Variants in IL16 observed in about 807,000 individuals in gnomAD.
IL16 encodes the protein interleukin 16, also known as pro-interleukin-16.
Under a neutral mutation model 110.1 loss-of-function variants are expected in IL16, and 67 were observed. The observed-to-expected ratio is 0.61, with a 90% CI of 0.50 to 0.75. The LOEUF (loss-of-function observed/expected upper bound fraction) is 0.75. Among genes scored for constraint, IL16 ranks in the 30% least tolerant of loss-of-function variants. IL16 has a pLI of 0.00. For synonymous variants in IL16, 689 were observed against 662.9 expected, an observed-to-expected ratio of 1.04 and a Z score of -0.61; for missense variants, 1,545 against 1,655.0, an observed-to-expected ratio of 0.93 and a Z score of 1.15.
At chr15:81,273,257 C>T (rs1307507649) in intron 6 of IL16, 53 bp downstream of exon 6, 27 of 1,322,864 alleles carry the variant, frequency 2.0e-5, no homozygotes, top group Non-Finnish European at 2.7e-5. Flanking sequence ...AAGCAGAATC[C>T]AGAATTGCTG....
Position 81,303,693 on chromosome 15 carries a change from G to T in IL16, c.3420+43G>T. On this transcript the variant is annotated intron_variant, in intron 16 of 18. Coordinates refer to ENST00000683961, the MANE Select transcript of IL16 (RefSeq NM_172217.5). This position sits in a 1 kb window ranked among gnomAD's most constrained non-coding sequence, Gnocchi z 4.1. The stretch of plus-strand genomic sequence containing the variant: ...GGGGCATGTCACAGCCAGAGGCAAT[G>T]GTTCTGGGGGAGGGGGACACACTTG... The T allele has an allele frequency of 7.6e-7, 1 of 1,310,178 alleles. No individual in the cohort carries two copies. Among genetic ancestry groups the T allele is most frequent in the Non-Finnish European group, 1.1e-6 (1 of 903,744 alleles). The allele number at this position is 1,310,178 out of a possible 1,614,324, so 81.2% of individuals were successfully genotyped here. A position where few individuals can be genotyped will look rare whatever the true frequency, so the allele number is the denominator to read the frequency against.
rs1308801319 is a variant in IL16 at position 81,225,428 on chromosome 15, G to T, written c.29G>T (p.Ser10Ile). The T allele has an allele frequency of 6.2e-7, 1 of 1,614,054 alleles. No homozygotes were observed. The highest frequency in any genetic ancestry group is 1.3e-5 in the African/African-American group (1 of 74,942). The change falls in exon 2 of 19, where the codon AGC (serine) becomes ATC (isoleucine). Residue 10 changes from serine to isoleucine, a missense_variant. By Grantham distance (142) the Ser-to-Ile change is moderately radical. Coordinates refer to ENST00000683961, the MANE Select transcript of IL16 (RefSeq NM_172217.5). MESHSRAGK[S>I]RKSAKFRSIS... ...GAGTCGCACAGCCGCGCTGGAAAGA[G>T]CAGAAAATCTGCAAAATTTCGGTCC...
chr15:81,234,104 AG>A (rs1897105097), intron 2 of IL16, among the ~76,000 whole-genome samples: 1 of 152,082 alleles, frequency 6.6e-6, no homozygotes, highest in African/African-American at 2.4e-5. Context: ...TCTTTTGGTG[AG>A]TGGTTGCGTG....
At position 81,299,593 on chromosome 15, in the gene IL16, G is replaced by A. The variant is rs759404201; in HGVS notation, c.2267G>A (p.Gly756Glu). Reference sequence around the variant, plus strand: ...GAAGGGACACAGGGCCACCCAGATGGGACCCCACCAAAGCTGGACACCGCC... The same window carrying A: ...GAAGGGACACAGGGCCACCCAGATGAGACCCCACCAAAGCTGGACACCGCC... ...EEEGTQGHPD[G>E]TPPKLDTANG... is the part of the protein sequence containing the mutation. The change falls in exon 14 of 19, where the codon GGG (glycine) becomes GAG (glutamate). Residue 756 changes from glycine to glutamate, a missense_variant. Gly to Glu is a moderately conservative substitution (Grantham distance 98, BLOSUM62 -2). Transcript: ENST00000683961. 1 of 1,614,150 alleles carries A rather than the reference G, an allele frequency of 6.2e-7. No individual in the cohort carries two copies.
intron 3 of IL16, among the ~76,000 whole-genome samples, chr15:81,263,346 A>ATTTT (rs10717016): frequency 9.1e-6 from 1 of 109,788 alleles, no homozygotes; most frequent in Admixed American, 8.0e-5. Flanking sequence ...TTCAAAAACT[A>ATTTT]TTTTTTTTTG....
intron 1 of IL16, among the ~76,000 whole-genome samples, chr15:81,222,766 A>G (rs915967621): frequency 4.0e-5 from 6 of 151,866 alleles, no homozygotes; most frequent in Admixed American, 2.0e-4. Context: ...ACACACACAC[A>G]CACACATACC....
chr15:81,296,496 C>G (rs1306393075), intron 12 of IL16, among the ~76,000 whole-genome samples: 3 of 152,232 alleles, frequency 2.0e-5, no homozygotes, highest in African/African-American at 4.8e-5. Context: ...CAAGCATTTT[C>G]CTGAGTGCTC....
At chr15:81,306,649 C>A in intron 18 of IL16, 104 bp downstream of exon 18, 2 of 1,356,186 alleles carry the variant, frequency 1.5e-6, no homozygotes, top group Non-Finnish European at 2.1e-6. Flanking sequence ...TTTCCCACAA[C>A]TCCATGTCCT....
chr15:81,229,160 A>G (rs1475512393), intron 2 of IL16, among the ~76,000 whole-genome samples: 2 of 152,198 alleles, frequency 1.3e-5, no homozygotes, highest in East Asian at 1.9e-4. Context: ...TATAGTTGAC[A>G]ATGCTCAGAG....
chr15:81,214,691 T>G (rs547697654), intron 1 of IL16, among the ~76,000 whole-genome samples: 3 of 152,336 alleles, frequency 2.0e-5, no homozygotes, highest in East Asian at 1.9e-4. Context: ...GGGAAATTTT[T>G]GGGGACTATA....
At chr15:81,243,655 T>C (rs1285858127) in intron 2 of IL16, among the ~76,000 whole-genome samples, 7 of 152,340 alleles carry the variant, frequency 4.6e-5, no homozygotes, top group African/African-American at 1.4e-4. Context: ...AAATGTTTGA[T>C]AGAATTCTTC....
chr15:81,234,426 T>G (rs1394180356), intron 2 of IL16, among the ~76,000 whole-genome samples: 1 of 152,160 alleles, frequency 6.6e-6, no homozygotes, highest in East Asian at 1.9e-4. Context: ...TTTTTTTACT[T>G]TTTTAATCAT....
intron 1 of IL16, among the ~76,000 whole-genome samples, chr15:81,216,782 G>A (rs996787771): frequency 1.3e-5 from 2 of 152,110 alleles, no homozygotes; most frequent in African/African-American, 4.8e-5. Flanking sequence ...TAGGTCTACT[G>A]TGCCTGGCAC....
chr15:81,281,619 A>G (rs1025707618), intron 8 of IL16, among the ~76,000 whole-genome samples: 2 of 152,178 alleles, frequency 1.3e-5, no homozygotes, highest in South Asian at 4.1e-4. Context: ...AGCACATTGC[A>G]CATGTCATTT....
At chr15:81,293,181 C>T (rs1039192270) in intron 12 of IL16, 144 bp downstream of exon 12, 43 of 869,688 alleles carry the variant, frequency 4.9e-5, no homozygotes, top group Non-Finnish European at 6.9e-5. Context: ...TAGGACTCAG[C>T]TGAGGACTGA....
intron 16 of IL16, among the ~76,000 whole-genome samples, chr15:81,304,935 T>C (rs547011457): frequency 1.3e-5 from 2 of 152,362 alleles, no homozygotes; most frequent in African/African-American, 4.8e-5. Context: ...TTAATTATAA[T>C]GGACCTCATT....
upstream of IL16, chr15:81,196,729 G>A (rs62035266): frequency 6.9e-6 from 4 of 583,516 alleles, no homozygotes; most frequent in African/African-American, 6.2e-5. Flanking sequence ...CCTCCTGGGT[G>A]TTGCCGGCCA....
intron 3 of IL16, among the ~76,000 whole-genome samples, chr15:81,260,669 G>C (rs1317510844): frequency 6.6e-6 from 1 of 152,170 alleles, no homozygotes; most frequent in Non-Finnish European, 1.5e-5. Flanking sequence ...AAATACAGAA[G>C]GCAGTGGCCT....
At chr15:81,293,235 C>CA (rs1812174755) in intron 12 of IL16, among the ~76,000 whole-genome samples, 198 bp downstream of exon 12, 2 of 152,218 alleles carry the variant, frequency 1.3e-5, no homozygotes, top group Non-Finnish European at 2.9e-5. Flanking sequence ...ATTGAAGTCC[C>CA]AGTCCTGCTT....
Sources: allele counts gnomAD v4.1 joint callset (sites outside exome capture counted in the v4.1 genomes callset), GRCh38; gene constraint gnomAD v4.1.1; non-coding constraint Gnocchi (gnomAD v3.1); transcripts MANE v1.5; gene names NCBI Gene and HGNC (gene_info 2026-07-23, HGNC 2026-07-21).